The following RNF6 variants were observed in gnomAD, a reference collection of about 807,000 sequenced individuals.
RNF6 encodes the protein E3 ubiquitin-protein ligase RNF6.
In RNF6, 21 loss-of-function variants were observed where a neutral mutation model predicts 50.1. That is an observed-to-expected ratio of 0.42 (90% CI 0.30 to 0.60). RNF6 has a LOEUF of 0.60. RNF6 is among the 20% of genes least tolerant of loss of function. RNF6 has a pLI of 0.20. For missense variants in RNF6, 698 were observed against 838.2 expected (o/e 0.83, Z 2.07); for synonymous variants, 255 against 291.8 (o/e 0.87, Z 1.29).
At chr13:26,217,426 C>T (rs1472178032) in intron 4 of RNF6, among the ~76,000 whole-genome samples, 3 of 152,186 alleles carry the variant, frequency 2.0e-5, no homozygotes, top group Non-Finnish European at 4.4e-5. Flanking sequence ...GTAAAAGCAT[C>T]GGAAATTGGC....
chr13:26,157,205 T>C (rs1375744694), intron 5 of RNF6, among the ~76,000 whole-genome samples: 1 of 152,138 alleles, frequency 6.6e-6, no homozygotes, highest in East Asian at 1.9e-4. Context: ...ACACTTTAAA[T>C]TGGGCAAATT....
intron 5 of RNF6, among the ~76,000 whole-genome samples, chr13:26,189,999 T>C (rs1342710671): frequency 6.6e-6 from 1 of 152,242 alleles, no homozygotes; most frequent in African/African-American, 2.4e-5. Flanking sequence ...TACAGTTCTG[T>C]GCATTAGAAA....
chr13:26,212,463 T>A (rs1461217564), downstream of RNF6, among the ~76,000 whole-genome samples: 1 of 152,162 alleles, frequency 6.6e-6, no homozygotes, highest in African/African-American at 2.4e-5. Flanking sequence ...GAAAATTAAA[T>A]GTGGAGATAT....
Position 26,149,952 on chromosome 13 carries a change from GTA to G in RNF6, n.769-17503_769-17502del, listed in dbSNP as rs777449045. On this transcript the variant is annotated intron_variant and non_coding_transcript_variant, in intron 5 of 5. Transcript: ENST00000468480. ...TATATACACAGTGTATATATAATGT[GTA>G]TATATATATACACAGTGTATATATA... is the stretch of plus-strand genomic sequence containing the variant. Among the ~76,000 whole-genome samples, 6 of 69,946 alleles carry G rather than the reference GTA, an allele frequency of 8.6e-5. 1 individual carries two copies. The highest frequency in any genetic ancestry group is 4.6e-4 in the Admixed American group (3 of 6,536). 45.9% of individuals were successfully genotyped at this position (69,946 alleles called of 152,430 possible). A position where few individuals can be genotyped will look rare whatever the true frequency, so the allele number is the denominator to read the frequency against.
At chr13:26,160,300 C>T (rs1196474130) in intron 5 of RNF6, among the ~76,000 whole-genome samples, 1 of 152,118 alleles carries the variant, frequency 6.6e-6, no homozygotes, top group Non-Finnish European at 1.5e-5. Context: ...AACCTCACTA[C>T]TTTTGACTTG....
chr13:26,214,881 T>A lies in RNF6; in HGVS notation c.1001A>T (p.Gln334Leu). The part of the protein sequence containing the change: ...HNSQRESRPV[Q>L]QTTRRSVRRR... ...CCTAACAGATCTTCTAGTGGTTTGC[T>A]GTACTGGTCTACTTTCCCTTTGGGA... Residue 334 changes from glutamine to leucine, a missense_variant, in exon 5 of 5, where the codon CAG (glutamine) becomes CTG (leucine). Physicochemically the swap from Gln to Leu is moderately radical, Grantham distance 113. Transcript: ENST00000381588. 1 of 1,614,264 alleles carries A rather than the reference T, an allele frequency of 6.2e-7. No homozygotes were observed. The highest frequency in any genetic ancestry group is 1.1e-5 in the South Asian group (1 of 91,092).
chr13:26,156,262 T>C (rs1871917917), intron 5 of RNF6, among the ~76,000 whole-genome samples: 1 of 151,978 alleles, frequency 6.6e-6, no homozygotes, highest in Non-Finnish European at 1.5e-5. Flanking sequence ...TAAAAAATAT[T>C]AGGGAGAAAA....
At chr13:26,221,430 T>C (rs981648228) in intron 1 of RNF6, 100 bp from the exon 2 acceptor site, 2 of 152,184 alleles carry the variant, frequency 1.3e-5, no homozygotes, top group African/African-American at 4.8e-5. Context: ...CCAAAGCAAA[T>C]TCTCCAGTGG....
intron 5 of RNF6, chr13:26,150,661 A>T (rs1231316268): frequency 6.6e-6 from 1 of 152,100 alleles, no homozygotes; most frequent in Non-Finnish European, 1.5e-5. Context: ...TTAAAACCTC[A>T]AAACTTGAAT....
intron 5 of RNF6, among the ~76,000 whole-genome samples, chr13:26,194,614 G>C (rs952114334): frequency 6.6e-6 from 1 of 151,248 alleles, no homozygotes; most frequent in South Asian, 2.1e-4. Flanking sequence ...TATTAGTCAG[G>C]GTTCTCTAGA....
rs1162440085 is a variant in RNF6, at chr13:26,215,526, C to T, written c.356G>A (p.Arg119His). The change falls in exon 5 of 5, where the codon CGC (arginine) becomes CAC (histidine). Residue 119 changes from arginine (R) to histidine (H), a missense_variant. Transcript: ENST00000381588. Reference protein sequence around the residue: ...SLLEWLNTFRRTGNATRSGQN... With the variant: ...SLLEWLNTFRHTGNATRSGQN... ...TCCACTTCGAGTTGCATTTCCTGTG[C>T]GCCGAAAGGTGTTCAACCATTCTAG... 1.2e-5 allele frequency: 19 copies of T among 1,613,172 alleles called. No individual in the cohort carries two copies. Among genetic ancestry groups the T allele is most frequent in the South Asian group, 2.2e-5 (2 of 91,082 alleles).
At position 26,214,739 on chromosome 13, in the gene RNF6, T is replaced by G; in HGVS notation, c.1143A>C (p.Gly381=). ...CAGTTGAGGATCTGCTGGATTCTTC[T>G]CCTTCTTCTACTGTTATTCTTGACA... ...RLVSRITVEE[G]EESSRSSTAV... Residue 381 remains glycine (G), a synonymous_variant, in exon 5 of 5, where the codon GGA becomes GGC. Coordinates refer to ENST00000381588, the MANE Select transcript of RNF6 (RefSeq NM_005977.4). The G allele has an allele frequency of 6.2e-7, 1 of 1,614,188 alleles. No individual in the cohort carries two copies. The highest frequency in any genetic ancestry group is 8.5e-7 in the Non-Finnish European group (1 of 1,180,036).
At chr13:26,169,175 G>A (rs1303766035) in intron 5 of RNF6, among the ~76,000 whole-genome samples, 2 of 152,150 alleles carry the variant, frequency 1.3e-5, no homozygotes, top group African/African-American at 4.8e-5. Context: ...TGCATAGAAA[G>A]GGTTCCCTGC....
At chr13:26,202,606 C>T (rs993547335) in intron 5 of RNF6, among the ~76,000 whole-genome samples, 7 of 151,898 alleles carry the variant, frequency 4.6e-5, no homozygotes, top group African/African-American at 1.7e-4. Context: ...TCTCTTGCTT[C>T]ACAGCATCAC....
Position 26,221,568 on chromosome 13 carries a change from C to T in RNF6, c.-101-238G>A, listed in dbSNP as rs149568510. On this transcript the variant is annotated intron_variant, in intron 1 of 4. Transcript: ENST00000381588. ...TACACTGTCACTGTTCCTGGGTTTA[C>T]GCCTCCTCTCTCAAAGGCCTTCCTT... The T allele has an allele frequency of 3.6e-3, 549 of 152,366 alleles. 4 individuals carry two copies. The highest frequency in any genetic ancestry group is 3.5e-3 in the South Asian group (17 of 4,826). The allele number at this position is 152,366 out of a possible 1,614,324, so 9.4% of individuals were successfully genotyped here.
intron 5 of RNF6, among the ~76,000 whole-genome samples, chr13:26,204,641 T>C (rs886072394): frequency 6.6e-6 from 1 of 152,204 alleles, no homozygotes; most frequent in Non-Finnish European, 1.5e-5. Context: ...AGGATGTGTT[T>C]AGAAGACGTC....
chr13:26,204,496 C>CAAAAAAAAAAAAAAAAAA (rs71080239), intron 5 of RNF6, among the ~76,000 whole-genome samples: 4 of 68,950 alleles, frequency 5.8e-5, no homozygotes, highest in Non-Finnish European at 1.2e-4. Flanking sequence ...GACTCCACCT[C>CAAAAAAAAAAAAAAAAAA]AAAAAAAAAA....
At chr13:26,146,343 C>A (rs1032358003) in intron 5 of RNF6, among the ~76,000 whole-genome samples, 1 of 152,166 alleles carries the variant, frequency 6.6e-6, no homozygotes, top group African/African-American at 2.4e-5. Flanking sequence ...ATCTACCTTG[C>A]CTTTGGTGGT....
chr13:26,136,229 CT>C (rs1870638865), intron 5 of RNF6, among the ~76,000 whole-genome samples: 1 of 152,122 alleles, frequency 6.6e-6, no homozygotes, highest in Non-Finnish European at 1.5e-5. Flanking sequence ...AGCATCTACC[CT>C]TATAGTCCTG....
Sources: gnomAD v4.1 joint callset for allele counts (sites outside exome capture counted in the v4.1 genomes callset) on GRCh38, gnomAD v4.1.1 for gene constraint, MANE v1.5 for transcripts, NCBI Gene and HGNC (gene_info 2026-07-23, HGNC 2026-07-21) for gene names.